Variants in BAZ2A observed in about 807,000 individuals in gnomAD.
BAZ2A encodes bromodomain adjacent to zinc finger domain 2A, also known as bromodomain adjacent to zinc finger domain protein 2A.
BAZ2A carries 34 observed loss-of-function variants against 199.9 expected under a neutral mutation model. The ratio of observed to expected loss-of-function variants is 0.17; its 90% CI spans 0.13 to 0.23. BAZ2A has a LOEUF of 0.23. Ranked by LOEUF, BAZ2A falls within the 10% of genes least tolerant of loss-of-function variation. The probability of loss-of-function intolerance (pLI) is 1.00; values close to 1 mark genes in which losing one functional copy is unlikely to be tolerated. For synonymous variants in BAZ2A, 857 were observed against 883.9 expected (o/e 0.97, Z 0.54); for missense variants, 2,002 against 2,391.1 (o/e 0.84, Z 3.39).
chr12:56,623,352 AC>A (rs983195065), intron 1 of BAZ2A, among the ~76,000 whole-genome samples: 3 of 152,062 alleles, frequency 2.0e-5, no homozygotes, highest in Non-Finnish European at 4.4e-5. Flanking sequence ...CTCTGAGGCT[AC>A]CCCCCAGGAC....
intron 19 of BAZ2A, 42 bp downstream of exon 19, chr12:56,602,671 T>C: frequency 6.3e-7 from 1 of 1,590,902 alleles, no homozygotes; most frequent in Non-Finnish European, 8.6e-7. Flanking sequence ...TTAATTCTTG[T>C]TTGATAGGAC....
chr12:56,598,851 C>G lies in BAZ2A; in HGVS notation c.5546+17G>C, dbSNP rs777557985. 6.2e-7 allele frequency: 1 copy of G among 1,606,380 alleles called. No individual in the cohort carries two copies. The highest frequency in any genetic ancestry group is 8.5e-7 in the Non-Finnish European group (1 of 1,176,268). On this transcript the variant is annotated intron_variant, in intron 28 of 28. Transcript: ENST00000549884. ...CAGCAGTAGCAAAGACCGGGCGGTT[C>G]ACCCACATCTACTTACCCTCCCCTG... is the stretch of plus-strand genomic sequence containing the variant.
At position 56,612,159 on chromosome 12, in the gene BAZ2A, T is replaced by C. The variant is rs1005300994; in HGVS notation, c.1223A>G (p.Gln408Arg). 6.2e-7 allele frequency: 1 copy of C among 1,613,950 alleles called. No homozygotes were observed. Among genetic ancestry groups the C allele is most frequent in the Non-Finnish European group, 8.5e-7 (1 of 1,179,880 alleles). Reference protein sequence around the residue: ...QSSDFPPSLTQPAPDQSSTIQ... With the variant: ...QSSDFPPSLTRPAPDQSSTIQ... Reference sequence around the variant, plus strand: ...AGTGGATGACTGATCAGGAGCTGGCTGGGTCAGGGATGGTGGGAAGTCTGA... The same window carrying C: ...AGTGGATGACTGATCAGGAGCTGGCCGGGTCAGGGATGGTGGGAAGTCTGA... Residue 408 changes from glutamine to arginine, a missense_variant, in exon 6 of 29, where the codon CAG becomes CGG. Around this residue, in one of 6 missense-constraint regions of BAZ2A, gnomAD observed 641 missense variants for 694.5 expected, o/e 0.92. Coordinates refer to ENST00000549884, the MANE Select transcript of BAZ2A (RefSeq NM_001300905.2).
chr12:56,601,492 T>A, intron 20 of BAZ2A, 54 bp downstream of exon 20: 1 of 1,595,882 alleles, frequency 6.3e-7, no homozygotes, highest in Non-Finnish European at 8.5e-7. Flanking sequence ...ACCCAGGCAA[T>A]GGTGCCTGTG....
chr12:56,628,476 T>A (rs1023064065), intron 1 of BAZ2A, among the ~76,000 whole-genome samples: 1 of 152,112 alleles, frequency 6.6e-6, no homozygotes, highest in African/African-American at 2.4e-5. Context: ...AAAGAGTAAG[T>A]CATATGATAA....
chr12:56,636,910 T>C (rs1592641626), upstream of BAZ2A: 1 of 152,500 alleles, frequency 6.6e-6, no homozygotes, highest in Admixed American at 6.5e-5. Context: ...CACAGGCAGA[T>C]GGAAGGAAGC....
rs1565805296 is a variant in BAZ2A, at chr12:56,599,955, G to A, written c.5025+9C>T. On this transcript the variant is annotated intron_variant, in intron 25 of 28. Transcript: ENST00000549884. Reference sequence around the variant, plus strand: ...CCCTCAGCCTCTCCAGGCTCTCTCAGCCTCTTACCACTTTGTTGACAGACT... The same window carrying A: ...CCCTCAGCCTCTCCAGGCTCTCTCAACCTCTTACCACTTTGTTGACAGACT... The A allele has an allele frequency of 6.2e-7, 1 of 1,613,908 alleles. No homozygotes were observed. Among genetic ancestry groups the A allele is most frequent in the Admixed American group, 1.7e-5 (1 of 60,018 alleles).
intron 1 of BAZ2A, among the ~76,000 whole-genome samples, chr12:56,625,079 G>T (rs901909946): frequency 1.3e-5 from 2 of 151,774 alleles, no homozygotes; most frequent in African/African-American, 4.8e-5. Flanking sequence ...GAAATTGCAG[G>T]ACACTAAAAG....
At chr12:56,600,165 C>T in intron 24 of BAZ2A, 36 bp downstream of exon 24, 1 of 1,612,336 alleles carries the variant, frequency 6.2e-7, no homozygotes, top group Non-Finnish European at 8.5e-7. Flanking sequence ...ATCCCTTTCT[C>T]TCCAAGACCA....
At chr12:56,614,550 GA>G (rs1477809257) in intron 3 of BAZ2A, among the ~76,000 whole-genome samples, 6 of 152,170 alleles carry the variant, frequency 3.9e-5, no homozygotes, top group Admixed American at 3.3e-4. Flanking sequence ...CAAAAAAAAG[GA>G]AACTGAGTAG....
At chr12:56,607,128 A>G (rs775492586) in intron 10 of BAZ2A, among the ~76,000 whole-genome samples, 1 of 152,192 alleles carries the variant, frequency 6.6e-6, no homozygotes, top group Non-Finnish European at 1.5e-5. Context: ...GAAAGGATAC[A>G]GCAAGCCAAA....
In BAZ2A at chr12:56,599,186, G is replaced by A. The variant is rs747503106; in HGVS notation, c.5345C>T (p.Pro1782Leu). The change falls in exon 27 of 29, where the codon CCC becomes CTC. Residue 1782 changes from proline (P) to leucine (L), a missense_variant. Physicochemically the swap from Pro to Leu is moderately conservative, Grantham distance 98. Coordinates refer to ENST00000549884, the MANE Select transcript of BAZ2A (RefSeq NM_001300905.2). ...GPRYSEEGLS[P>L]SKRRRLSMRN... ...CATAGAGAGTCGCCGCCGCTTGGAGGGGGAGAGCCCTTCTTCCGAGTACCG... is the reference window on the plus strand; with the variant it reads ...CATAGAGAGTCGCCGCCGCTTGGAGAGGGAGAGCCCTTCTTCCGAGTACCG... 6.2e-6 allele frequency: 10 copies of A among 1,613,302 alleles called. No individual in the cohort carries two copies. The highest frequency in any genetic ancestry group is 8.5e-6 in the Non-Finnish European group (10 of 1,179,688).
intron 7 of BAZ2A, chr12:56,611,328 T>C (rs1003517071): frequency 3.5e-6 from 2 of 566,914 alleles, no homozygotes; most frequent in Non-Finnish European, 6.2e-6. Context: ...CTGGAGCTCC[T>C]TGGGCAAAAT....
Position 56,628,640 on chromosome 12 carries a change from C to A in BAZ2A, c.-3+1485G>T, listed in dbSNP as rs369781107. Among the ~76,000 whole-genome samples, 19 of 152,268 alleles carry A rather than the reference C, an allele frequency of 1.2e-4. 1 individual carries two copies. The highest frequency in any genetic ancestry group is 4.3e-4 in the African/African-American group (18 of 41,554). The stretch of plus-strand genomic sequence containing the variant: ...TCTCAGTCTGTTAATCAGTCCCTAC[C>A]CCCGACACACAAATCCATCTAATAG... On this transcript the variant is annotated intron_variant, in intron 1 of 28. Coordinates refer to ENST00000549884, the MANE Select transcript of BAZ2A (RefSeq NM_001300905.2).
intron 1 of BAZ2A, among the ~76,000 whole-genome samples, chr12:56,628,075 G>C (rs530283133): frequency 1.3e-5 from 2 of 149,796 alleles, no homozygotes; most frequent in Non-Finnish European, 3.0e-5. Flanking sequence ...CCAGCTACTC[G>C]GGAGGCTGAG....
At chr12:56,612,288 G>T in intron 5 of BAZ2A, 42 bp from the exon 6 acceptor site, 1 of 1,376,120 alleles carries the variant, frequency 7.3e-7, no homozygotes, top group South Asian at 1.3e-5. Flanking sequence ...AAAAAAAAAA[G>T]GCATCACATA....
rs1951429591 is a variant in BAZ2A, at chr12:56,635,531, ATCCTC to A, written c.4+646_4+650del. The stretch of plus-strand genomic sequence containing the variant: ...GAAGCCACGAAGGCAAAAACCTCCT[ATCCTC>A]TCAACCTCAATCCTGCGTCCCACTC... On this transcript the variant is annotated intron_variant, in intron 1 of 29. Transcript: ENST00000379441. This position sits in a 1 kb window ranked among gnomAD's most constrained non-coding sequence, Gnocchi z 4.1. Among the ~76,000 whole-genome samples, 1 of 152,100 alleles carries A rather than the reference ATCCTC, an allele frequency of 6.6e-6. No individual in the cohort carries two copies. The highest frequency in any genetic ancestry group is 2.1e-4 in the South Asian group (1 of 4,828).
Position 56,610,126 on chromosome 12 carries a change from T to C in BAZ2A, c.1869A>G (p.Arg623=), listed in dbSNP as rs1309644212. 1.2e-6 allele frequency: 2 copies of C among 1,613,896 alleles called. No homozygotes were observed. The highest frequency in any genetic ancestry group is 1.7e-5 in the Admixed American group (1 of 60,010). The change falls in exon 9 of 29, where the codon AGA becomes AGG. Residue 623 remains arginine, a synonymous_variant. Transcript: ENST00000549884. Reference sequence around the variant, plus strand: ...CTTGGGTCTGCACCTCTGGCGTGTCTCTTTCTTCAAAGAAATCTCCAACAG... The same window carrying C: ...CTTGGGTCTGCACCTCTGGCGTGTCCCTTTCTTCAAAGAAATCTCCAACAG... ...RMPVGDFFEE[R]DTPEGLQWVQ...
rs1423528903 is a variant in BAZ2A, at chr12:56,599,329, A to G, written c.5202T>C (p.Pro1734=). ...GCTTCTGGCCACGCTTTGGGAAACC[A>G]GGCTTCTGAGTGAATTCTCCCTCCA... ...QQVEGEFTQK[P]GFPKRGQKRK... is the part of the protein sequence containing the mutation. The change falls in exon 27 of 29, where the codon CCT becomes CCC. Residue 1734 remains proline, a synonymous_variant. Coordinates refer to ENST00000549884, the MANE Select transcript of BAZ2A (RefSeq NM_001300905.2). 4.3e-6 allele frequency: 7 copies of G among 1,613,460 alleles called. No homozygotes were observed. Among genetic ancestry groups the G allele is most frequent in the African/African-American group, 1.3e-5 (1 of 75,052 alleles).
Sources: gnomAD v4.1 joint callset for allele counts (sites outside exome capture counted in the v4.1 genomes callset) on GRCh38, gnomAD v4.1.1 for gene constraint, gnomAD v4.1.1 regional missense constraint, Gnocchi (gnomAD v3.1) non-coding constraint, MANE v1.5 for transcripts, NCBI Gene and HGNC (gene_info 2026-07-23, HGNC 2026-07-21) for gene names.